Variants in GABRA2 observed in about 807,000 individuals in gnomAD.
The protein encoded by GABRA2 is gamma-aminobutyric acid receptor subunit alpha-2.
In GABRA2, 16 loss-of-function variants were observed where a neutral mutation model predicts 48.7. The ratio of observed to expected loss-of-function variants is 0.33; its 90% confidence interval spans 0.22 to 0.50. The LOEUF is 0.50. GABRA2 is among the 20% of genes least tolerant of loss of function. The pLI is 0.98. For synonymous variants in GABRA2, 185 were observed against 184.5 expected, an observed-to-expected ratio of 1.00 and a Z score of -0.02; for missense variants, 275 against 535.6, an observed-to-expected ratio of 0.51 and a Z score of 4.80.
chr4:46,335,918 C>T (rs1288749122), intron 3 of GABRA2, among the ~76,000 whole-genome samples: 6 of 152,132 alleles, frequency 3.9e-5, no homozygotes, highest in Non-Finnish European at 8.8e-5. Flanking sequence ...AGTTCACAAA[C>T]CTCTATGTAA....
chr4:46,368,887 C>T, intron 3 of GABRA2: 2 of 555,268 alleles, frequency 3.6e-6, no homozygotes, highest in South Asian at 2.3e-5. Context: ...GTTCTTCAAT[C>T]TCCATTATGC....
intron 4 of GABRA2, among the ~76,000 whole-genome samples, chr4:46,328,342 A>G (rs939177520): frequency 1.3e-5 from 2 of 151,278 alleles, no homozygotes; most frequent in Non-Finnish European, 3.0e-5. Flanking sequence ...TTGGTTCATA[A>G]TTCTTTTTGC....
chr4:46,388,595 T>G (rs1488323590), intron 2 of GABRA2, 41 bp downstream of exon 2: 1 of 1,609,650 alleles, frequency 6.2e-7, no homozygotes, highest in East Asian at 2.2e-5. Context: ...AAACACATCT[T>G]TGCCCTGAAT....
At chr4:46,289,883 A>T (rs867542735) in intron 8 of GABRA2, among the ~76,000 whole-genome samples, 4 of 124,300 alleles carry the variant, frequency 3.2e-5, no homozygotes, top group African/African-American at 1.3e-4. Context: ...AGTTTATTTT[A>T]TTTATTTATT....
At chr4:46,346,556 G>A (rs980472041) in intron 3 of GABRA2, among the ~76,000 whole-genome samples, 5 of 149,580 alleles carry the variant, frequency 3.3e-5, no homozygotes, top group African/African-American at 4.9e-5. Context: ...GATTCCTGAT[G>A]CTTTTAAAAC....
At chr4:46,276,846 C>T (rs935387244) in intron 8 of GABRA2, among the ~76,000 whole-genome samples, 29 of 151,730 alleles carry the variant, frequency 1.9e-4, no homozygotes, top group Non-Finnish European at 4.4e-5. Flanking sequence ...AAGTGTCTAA[C>T]AGAGTATATG....
chr4:46,373,963 A>T (rs1007952833), intron 3 of GABRA2, among the ~76,000 whole-genome samples: 13 of 152,268 alleles, frequency 8.5e-5, no homozygotes, highest in Non-Finnish European at 1.9e-4. Flanking sequence ...TTTAATTAAG[A>T]TGTCCTCTCT....
intron 9 of GABRA2, among the ~76,000 whole-genome samples, chr4:46,254,160 T>G (rs1013345704): frequency 2.0e-5 from 3 of 151,524 alleles, no homozygotes; most frequent in African/African-American, 7.3e-5. Context: ...CTATTCACTA[T>G]TGACTGCTAT....
chr4:46,314,607 A>T (rs576519703), intron 4 of GABRA2, among the ~76,000 whole-genome samples: 27 of 152,060 alleles, frequency 1.8e-4, no homozygotes, highest in Non-Finnish European at 2.9e-4. Flanking sequence ...CATGTTACCC[A>T]ATAGTTAGTT....
chr4:46,273,145 G>A (rs1193089983), intron 8 of GABRA2, among the ~76,000 whole-genome samples: 1 of 151,238 alleles, frequency 6.6e-6, no homozygotes, highest in East Asian at 2.0e-4. Context: ...AGTTAAGGTA[G>A]TATTGTTTTT....
chr4:46,376,504 C>A (rs1013146444), intron 3 of GABRA2, among the ~76,000 whole-genome samples: 2 of 152,148 alleles, frequency 1.3e-5, no homozygotes. Flanking sequence ...GAGGACAACA[C>A]CTTCACAACA....
chr4:46,372,835 G>A (rs73133242), intron 3 of GABRA2, among the ~76,000 whole-genome samples: 4,346 of 152,250 alleles, frequency 0.029, 227 homozygotes, highest in African/African-American at 0.1. Context: ...CCCTCTCTAA[G>A]AGGGTGGGGA....
At chr4:46,258,597 G>C (rs1204531478) in intron 9 of GABRA2, among the ~76,000 whole-genome samples, 2 of 151,838 alleles carry the variant, frequency 1.3e-5, no homozygotes, top group Non-Finnish European at 2.9e-5. Flanking sequence ...AAGAACAGAT[G>C]CCAGGGAAGC....
At chr4:46,334,345 G>C (rs1287886671) in intron 3 of GABRA2, among the ~76,000 whole-genome samples, 1 of 152,166 alleles carries the variant, frequency 6.6e-6, no homozygotes, top group Non-Finnish European at 1.5e-5. Context: ...TAGAAAGCAA[G>C]TGTGGAAATG....
intron 4 of GABRA2, among the ~76,000 whole-genome samples, chr4:46,320,616 A>G (rs1289698808): frequency 1.3e-5 from 2 of 151,896 alleles, no homozygotes; most frequent in African/African-American, 2.4e-5. Flanking sequence ...CAGTTCTCCA[A>G]TAAAAACACA....
At chr4:46,265,468 T>TATATAATATATATAC (rs1717992463) in intron 8 of GABRA2, among the ~76,000 whole-genome samples, 1 of 108,974 alleles carries the variant, frequency 9.2e-6, no homozygotes, top group African/African-American at 5.2e-5. Context: ...AATATATATA[T>TATATAATATATATAC]AATATATTGT....
rs940613677 is a variant in GABRA2 at position 46,249,705 on chromosome 4, G to A, written c.*603C>T. The A allele has an allele frequency of 2.0e-5, 3 of 151,378 alleles. No homozygotes were observed. Among genetic ancestry groups the A allele is most frequent in the African/African-American group, 7.3e-5 (3 of 41,316 alleles). 9.4% of individuals were successfully genotyped at this position (151,378 alleles called of 1,614,324 possible). A position where few individuals can be genotyped will look rare whatever the true frequency, so the allele number is the denominator to read the frequency against. ...GTAGGCATAATTAACATCCTTTCGG[G>A]CTGACTCATAATTATTTGAGCTTGT... On this transcript the variant is annotated 3_prime_UTR_variant, in exon 10 of 10. Coordinates refer to ENST00000381620, the MANE Select transcript of GABRA2 (RefSeq NM_000807.4).
chr4:46,372,884 C>T (rs139043916), intron 3 of GABRA2, among the ~76,000 whole-genome samples: 17 of 152,272 alleles, frequency 1.1e-4, no homozygotes, highest in South Asian at 6.2e-4. Context: ...GTTCCCTAAA[C>T]GGAAGGGATT....
intron 8 of GABRA2, among the ~76,000 whole-genome samples, chr4:46,283,401 C>T (rs1267892697): frequency 2.0e-5 from 3 of 152,142 alleles, no homozygotes; most frequent in Non-Finnish European, 4.4e-5. Context: ...GGAAAATAGA[C>T]ACCGAATGCC....
Sources: allele counts gnomAD v4.1 joint callset (sites outside exome capture counted in the v4.1 genomes callset), GRCh38; gene constraint gnomAD v4.1.1; transcripts MANE v1.5; gene names NCBI Gene and HGNC (gene_info 2026-07-23, HGNC 2026-07-21).